Variants in SBNO1 observed in about 807,000 individuals in gnomAD.
The protein encoded by SBNO1 is strawberry notch homolog 1.
In SBNO1, 23 loss-of-function variants were observed where a neutral mutation model predicts 173.6. The ratio of observed to expected loss-of-function variants is 0.13; its 90% CI spans 0.10 to 0.19. SBNO1 has a LOEUF of 0.19. SBNO1 is among the 10% of genes least tolerant of loss of function. SBNO1 has a pLI of 1.00. For missense variants in SBNO1, 1,238 were observed against 1,671.2 expected, an observed-to-expected ratio of 0.74 and a Z score of 4.52; for synonymous variants, 632 against 571.5, an observed-to-expected ratio of 1.11 and a Z score of -1.51.
At chr12:123,299,362 T>A (rs538931957) in intron 30 of SBNO1, among the ~76,000 whole-genome samples, 1 of 149,018 alleles carries the variant, frequency 6.7e-6, no homozygotes, top group South Asian at 2.1e-4. Flanking sequence ...AGTGAGACTC[T>A]GTCTCAAAAA....
At chr12:123,323,386 G>A (rs758177488) in intron 16 of SBNO1, among the ~76,000 whole-genome samples, 12 of 151,944 alleles carry the variant, frequency 7.9e-5, no homozygotes, top group African/African-American at 4.8e-5. Context: ...ACAGAGTCTC[G>A]CTCTGTCATC....
chr12:123,289,484 G>A lies in SBNO1; in HGVS notation c.*6424C>T, dbSNP rs2048480124. 1 of 152,216 alleles carries A rather than the reference G, an allele frequency of 6.6e-6. No individual in the cohort carries two copies. The highest frequency in any genetic ancestry group is 2.1e-4 in the South Asian group (1 of 4,836). 9.4% of individuals were successfully genotyped at this position (152,216 alleles called of 1,614,324 possible). On this transcript the variant is annotated 3_prime_UTR_variant, in exon 32 of 32. Coordinates refer to ENST00000602398, the MANE Select transcript of SBNO1 (RefSeq NM_001167856.3). ...AGAGAACCAAATGAAAACACACCAA[G>A]AGCTGACATCCACCTTTGTTTCAAG...
chr12:123,337,335 T>C (rs1871970268), intron 5 of SBNO1, among the ~76,000 whole-genome samples: 10 of 152,222 alleles, frequency 6.6e-5, no homozygotes. Context: ...AGTACAATCA[T>C]TAGGCAACTG....
At chr12:123,323,872 A>G in intron 15 of SBNO1, 41 bp from the exon 16 acceptor site, 2 of 1,461,700 alleles carry the variant, frequency 1.4e-6, no homozygotes, top group African/African-American at 1.4e-5. Flanking sequence ...TTCAGTTGAC[A>G]AAATAATTAT....
intron 25 of SBNO1, among the ~76,000 whole-genome samples, chr12:123,310,385 C>T (rs961358027): frequency 6.6e-6 from 1 of 152,068 alleles, no homozygotes; most frequent in Non-Finnish European, 1.5e-5. Flanking sequence ...AGGCGCCCGC[C>T]ACTATGCCTG....
chr12:123,341,196 TC>T, intron 4 of SBNO1, 108 bp from the exon 5 acceptor site: 1 of 624,530 alleles, frequency 1.6e-6, no homozygotes, highest in African/African-American at 1.9e-5. Flanking sequence ...ACACCTGTAA[TC>T]CCAGCATTTT....
rs1593438886 is a variant in SBNO1 at position 123,364,753 on chromosome 12, G to T, written c.-53C>A. On this transcript the variant is annotated 5_prime_UTR_variant, in exon 1 of 32. Transcript: ENST00000602398. ...AGCTCCTCCCGGGAGGTGTGAGTTT[G>T]AAGGACCAGAGGCGACTGGAGCGGA... 2 of 988,042 alleles carry T rather than the reference G, an allele frequency of 2.0e-6. No homozygotes were observed. The highest frequency in any genetic ancestry group is 6.1e-5 in the Admixed American group (1 of 16,272). The allele number at this position is 988,042 out of a possible 1,614,324, so 61.2% of individuals were successfully genotyped here. A position where few individuals can be genotyped will look rare whatever the true frequency, so the allele number is the denominator to read the frequency against.
At chr12:123,336,545 C>A in intron 5 of SBNO1, 54 bp from the exon 6 acceptor site, 1 of 1,134,674 alleles carries the variant, frequency 8.8e-7, no homozygotes, top group Admixed American at 2.4e-5. Flanking sequence ...AGACGCCCAG[C>A]CAACACACAG....
At chr12:123,347,227 T>G (rs1322566647) in intron 3 of SBNO1, among the ~76,000 whole-genome samples, 1 of 152,022 alleles carries the variant, frequency 6.6e-6, no homozygotes, top group African/African-American at 2.4e-5. Flanking sequence ...ATTATGCTTT[T>G]TTGTTGTTGT....
At chr12:123,309,221 G>C in intron 28 of SBNO1, 89 bp downstream of exon 28, 2 of 926,670 alleles carry the variant, frequency 2.2e-6, no homozygotes, top group Non-Finnish European at 3.5e-6. Flanking sequence ...AACACAACTG[G>C]GAAACAGGTA....
At chr12:123,314,541 G>C (rs1403038494) in intron 23 of SBNO1, among the ~76,000 whole-genome samples, 2 of 152,046 alleles carry the variant, frequency 1.3e-5, no homozygotes, top group Non-Finnish European at 2.9e-5. Context: ...TGTTGGCCAG[G>C]ATGGTCTCGA....
intron 9 of SBNO1, 106 bp downstream of exon 9, chr12:123,330,313 A>C (rs1871069608): frequency 1.4e-6 from 1 of 703,798 alleles, no homozygotes; most frequent in African/African-American, 1.8e-5. Flanking sequence ...GAGTAACATC[A>C]AAGTTTTCCA....
In SBNO1 at chr12:123,296,059, A is replaced by T; in HGVS notation, c.4040-9T>A. The T allele has an allele frequency of 6.3e-7, 1 of 1,588,188 alleles. No individual in the cohort carries two copies. Among genetic ancestry groups the T allele is most frequent in the Non-Finnish European group, 8.6e-7 (1 of 1,156,578 alleles). ...TGCCGGAATGATCAAACCTGTAATT[A>T]GTAACAAGAATTTATCAAGTTGTGT... On this transcript the variant is annotated splice_polypyrimidine_tract_variant and intron_variant, in intron 31 of 31. Transcript: ENST00000602398.
At chr12:123,302,921 T>A in intron 29 of SBNO1, 21 bp from the exon 30 acceptor site, 1 of 1,580,780 alleles carries the variant, frequency 6.3e-7, no homozygotes, top group East Asian at 2.2e-5. Context: ...GAGAAGAATT[T>A]CATTGAAAAC....
At chr12:123,343,208 G>A (rs1872751743) in intron 4 of SBNO1, among the ~76,000 whole-genome samples, 1 of 152,130 alleles carries the variant, frequency 6.6e-6, no homozygotes, top group Non-Finnish European at 1.5e-5. Context: ...ACTCCAGCCT[G>A]GGCGATGGAA....
intron 16 of SBNO1, among the ~76,000 whole-genome samples, 171 bp downstream of exon 16, chr12:123,323,509 G>A (rs567729467): frequency 6.6e-5 from 10 of 151,888 alleles, no homozygotes; most frequent in African/African-American, 2.4e-4. Flanking sequence ...TGCCCACCAC[G>A]ATGCCCGGCT....
At chr12:123,307,599 T>C (rs559148795) in intron 28 of SBNO1, among the ~76,000 whole-genome samples, 4 of 152,308 alleles carry the variant, frequency 2.6e-5, no homozygotes, top group Admixed American at 1.3e-4. Context: ...ATATGTTATA[T>C]ACAACCAATG....
At chr12:123,363,339 T>A (rs1476022355) in intron 1 of SBNO1, among the ~76,000 whole-genome samples, 2 of 152,200 alleles carry the variant, frequency 1.3e-5, no homozygotes, top group African/African-American at 4.8e-5. Flanking sequence ...TGAAAATCAA[T>A]TCTGATTGCT....
chr12:123,362,907 G>A (rs1356232948), intron 1 of SBNO1, among the ~76,000 whole-genome samples: 1 of 150,114 alleles, frequency 6.7e-6, no homozygotes, highest in East Asian at 1.9e-4. Flanking sequence ...TGAGACCCCC[G>A]CCTCTCAACA....
Sources: allele counts gnomAD v4.1 joint callset (sites outside exome capture counted in the v4.1 genomes callset), GRCh38; gene constraint gnomAD v4.1.1; transcripts MANE v1.5; gene names NCBI Gene and HGNC (gene_info 2026-07-23, HGNC 2026-07-21).